The following POLR1B variants were observed in gnomAD, a reference collection of about 807,000 sequenced individuals.
POLR1B encodes the protein RNA polymerase I subunit B.
POLR1B carries 30 observed loss-of-function variants against 105.8 expected under a neutral mutation model. The ratio of observed to expected loss-of-function variants is 0.28; its 90% CI spans 0.21 to 0.38. The LOEUF is 0.38. POLR1B is among the 10% of genes least tolerant of loss of function. The probability of loss-of-function intolerance (pLI) is 1.00; values close to 1 mark genes in which losing one functional copy is unlikely to be tolerated. For missense variants in POLR1B, 976 were observed against 1,435.8 expected (o/e 0.68, Z 5.17); for synonymous variants, 485 against 505.1 (o/e 0.96, Z 0.53).
rs1030308556 is a variant in POLR1B at position 112,551,131 on chromosome 2, C to T, written c.762+129C>T. ...TTGTCTACTGCTCCAAAACAAATTA[C>T]GTCAAAATTCAATAGCTTAAAACTC... On this transcript the variant is annotated intron_variant, in intron 5 of 14. Coordinates refer to ENST00000263331, the MANE Select transcript of POLR1B (RefSeq NM_019014.6). 14 of 933,926 alleles carry T rather than the reference C, an allele frequency of 1.5e-5. No individual in the cohort carries two copies. The East Asian group carries it at 1.7e-4, about 11-fold the overall frequency. 57.9% of individuals were successfully genotyped at this position (933,926 alleles called of 1,614,324 possible).
At chr2:112,573,837 GTTTTGT>G (rs575267591) in intron 14 of POLR1B, 22 bp downstream of exon 14, 31 of 1,605,610 alleles carry the variant, frequency 1.9e-5, no homozygotes, top group South Asian at 9.9e-5. Context: ...TATCCAAGCT[GTTTTGT>G]TTTTGTTTTT....
intron 12 of POLR1B, among the ~76,000 whole-genome samples, chr2:112,572,318 A>G (rs935464366): frequency 1.3e-5 from 2 of 152,244 alleles, no homozygotes; most frequent in African/African-American, 2.4e-5. Context: ...AAATCGTATC[A>G]TATTAAATGT....
chr2:112,565,074 G>A (rs574957365), intron 10 of POLR1B, among the ~76,000 whole-genome samples: 25 of 152,260 alleles, frequency 1.6e-4, no homozygotes, highest in African/African-American at 4.3e-4. Flanking sequence ...TTTAGTTTTC[G>A]TTTAAGTGCT....
intron 1 of POLR1B, 92 bp downstream of exon 1, chr2:112,542,763 C>T (rs1682828265): frequency 6.9e-7 from 1 of 1,457,576 alleles, no homozygotes; most frequent in East Asian, 2.5e-5. Flanking sequence ...GATGCATGTG[C>T]TCCTTGATCC....
intron 8 of POLR1B, 67 bp downstream of exon 8, chr2:112,558,148 C>A (rs1231827680): frequency 8.3e-6 from 10 of 1,203,374 alleles, no homozygotes; most frequent in Non-Finnish European, 6.4e-6. Context: ...TTTGCCTGTC[C>A]CTGAGAGTTC....
rs1340358848 is a variant in POLR1B, at chr2:112,579,356, A to G, written c.*3627A>G. 6.6e-6 allele frequency: 1 copy of G among 151,988 alleles called. No homozygotes were observed. The highest frequency in any genetic ancestry group is 1.5e-5 in the Non-Finnish European group (1 of 68,022). 9.4% of individuals were successfully genotyped at this position (151,988 alleles called of 1,614,324 possible). A position where few individuals can be genotyped will look rare whatever the true frequency, so the allele number is the denominator to read the frequency against. ...GATTGCTGGGTCATATGGTAGTTGC[A>G]TATTTCATTTAATAAACTGCCAAAC... On this transcript the variant is annotated 3_prime_UTR_variant, in exon 15 of 15. Coordinates refer to ENST00000263331, the MANE Select transcript of POLR1B (RefSeq NM_019014.6).
intron 13 of POLR1B, among the ~76,000 whole-genome samples, chr2:112,573,086 G>GT (rs1324875052): frequency 1.3e-5 from 2 of 152,058 alleles, no homozygotes; most frequent in African/African-American, 4.8e-5. Context: ...TGTTTTTCTT[G>GT]TTTTTTGTTT....
intron 1 of POLR1B, among the ~76,000 whole-genome samples, chr2:112,544,695 T>A (rs1011654068): frequency 1.3e-5 from 2 of 152,128 alleles, no homozygotes; most frequent in Non-Finnish European, 2.9e-5. Context: ...AATATAGTAT[T>A]TGAAAAAGTT....
At chr2:112,564,113 G>A (rs1684155340) in intron 9 of POLR1B, among the ~76,000 whole-genome samples, 1 of 152,044 alleles carries the variant, frequency 6.6e-6, no homozygotes, top group African/African-American at 2.4e-5. Context: ...AATAATATTT[G>A]AAATATTGCA....
At chr2:112,566,020 G>A (rs577158483) in intron 10 of POLR1B, among the ~76,000 whole-genome samples, 1 of 152,084 alleles carries the variant, frequency 6.6e-6, no homozygotes, top group African/African-American at 2.4e-5. Context: ...CACCACGCCC[G>A]GCTAATTTTT....
At chr2:112,543,045 A>G (rs971039666) in intron 1 of POLR1B, among the ~76,000 whole-genome samples, 2 of 152,184 alleles carry the variant, frequency 1.3e-5, no homozygotes, top group Non-Finnish European at 1.5e-5. Context: ...ACGTATTTGT[A>G]GGTACAGTGT....
rs564371640 is a variant in POLR1B, at chr2:112,545,033, A to G, written c.178-1979A>G. 2.0e-5 allele frequency among the ~76,000 whole-genome samples: 3 copies of G among 152,296 alleles called. No individual in the cohort carries two copies. In the South Asian group the frequency reaches 6.2e-4, roughly 32 times the overall value. ...GGTGATGCTCGGCCTTCTTGTTTTA[A>G]GTTCTTAAACTATAAACAGAGGTTG... On this transcript the variant is annotated intron_variant, in intron 1 of 14. Transcript: ENST00000263331.
At chr2:112,542,922 C>T in intron 1 of POLR1B, 4 of 588,304 alleles carry the variant, frequency 6.8e-6, no homozygotes, top group South Asian at 4.1e-5. Flanking sequence ...TGGACAGTTT[C>T]GGGGTGCTGT....
At chr2:112,567,726 C>T (rs1684365268) in intron 10 of POLR1B, among the ~76,000 whole-genome samples, 1 of 152,130 alleles carries the variant, frequency 6.6e-6, no homozygotes, top group African/African-American at 2.4e-5. Flanking sequence ...CAGTAATCTA[C>T]TGTATTTTAG....
chr2:112,566,085 C>G (rs1684258178), intron 10 of POLR1B, among the ~76,000 whole-genome samples: 3 of 152,044 alleles, frequency 2.0e-5, no homozygotes, highest in Non-Finnish European at 4.4e-5. Flanking sequence ...GTCTCCTGAC[C>G]TTAACTGATC....
At chr2:112,543,394 T>A (rs1179487754) in intron 1 of POLR1B, among the ~76,000 whole-genome samples, 2 of 152,060 alleles carry the variant, frequency 1.3e-5, no homozygotes, top group African/African-American at 4.8e-5. Context: ...ATGAAAGCAG[T>A]GCATGCCAAT....
In POLR1B at chr2:112,572,460, A is replaced by G. The variant is rs548560826; in HGVS notation, c.2075-102A>G. 1,036 of 838,314 alleles carry G rather than the reference A, an allele frequency of 1.2e-3. 12 individuals carry two copies. The highest frequency in any genetic ancestry group is 0.011 in the South Asian group (457 of 41,466). 51.9% of individuals were successfully genotyped at this position (838,314 alleles called of 1,614,324 possible). A position where few individuals can be genotyped will look rare whatever the true frequency, so the allele number is the denominator to read the frequency against. ...AACTACCATGACTATTTATTTGTTCATTTTCCTCTGATGGATATTTAGTTG... is the reference window on the plus strand; with the variant it reads ...AACTACCATGACTATTTATTTGTTCGTTTTCCTCTGATGGATATTTAGTTG... On this transcript the variant is annotated intron_variant, in intron 12 of 14. Transcript: ENST00000263331.
At position 112,577,831 on chromosome 2, in the gene POLR1B, CAAAAA is replaced by C. The variant is rs3980076; in HGVS notation, c.*2119_*2123del. Among the ~76,000 whole-genome samples the C allele has an allele frequency of 6.0e-5, 6 of 100,298 alleles. No individual in the cohort carries two copies. The highest frequency in any genetic ancestry group is 1.1e-4 in the Admixed American group (1 of 9,270). The allele number at this position is 100,298 out of a possible 152,430, so 65.8% of individuals were successfully genotyped here. On this transcript the variant is annotated 3_prime_UTR_variant, in exon 15 of 15. Coordinates refer to ENST00000263331, the MANE Select transcript of POLR1B (RefSeq NM_019014.6). ...TGGGCGACAGAATGAGACCCTGTCT[CAAAAA>C]AAAAAAAAAAAAAAAAGCGGGGAGG...
rs1684984013 is a variant in POLR1B, at chr2:112,579,066, GGT to G, written c.*3341_*3342del. Among the ~76,000 whole-genome samples, 1 of 151,748 alleles carries G rather than the reference GGT, an allele frequency of 6.6e-6. No individual in the cohort carries two copies. The highest frequency in any genetic ancestry group is 1.5e-5 in the Non-Finnish European group (1 of 67,932). Reference sequence around the variant, plus strand: ...CTATTAAAAATACAAAAATTAGCTGGGTGTGATGGCACACGCCTGTAATCCCA... The same window carrying G: ...CTATTAAAAATACAAAAATTAGCTGGGTGATGGCACACGCCTGTAATCCCA... On this transcript the variant is annotated 3_prime_UTR_variant, in exon 15 of 15. Transcript: ENST00000263331.
Sources: gnomAD v4.1 joint callset for allele counts (sites outside exome capture counted in the v4.1 genomes callset) on GRCh38, gnomAD v4.1.1 for gene constraint, MANE v1.5 for transcripts, NCBI Gene and HGNC (gene_info 2026-07-23, HGNC 2026-07-21) for gene names.